Variants in KAT6A observed in about 807,000 individuals in gnomAD.
KAT6A encodes lysine acetyltransferase 6A.
KAT6A carries 9 observed loss-of-function variants against 198.4 expected under a neutral mutation model. That is an observed-to-expected ratio of 0.05 (90% CI 0.03 to 0.08). KAT6A has a LOEUF of 0.08. KAT6A is among the 10% of genes least tolerant of loss of function. The probability of loss-of-function intolerance (pLI) is 1.00; values close to 1 mark genes in which losing one functional copy is unlikely to be tolerated. For missense variants in KAT6A, 2,077 were observed against 2,509.9 expected (o/e 0.83, Z 3.69); for synonymous variants, 890 against 883.0 (o/e 1.01, Z -0.14).
chr8:41,931,464 T>C lies in KAT6A; in HGVS notation c.*741A>G, dbSNP rs1209933912. The C allele has an allele frequency of 1.9e-5, 4 of 206,544 alleles. No homozygotes were observed. Among genetic ancestry groups the C allele is most frequent in the African/African-American group, 9.1e-5 (4 of 43,762 alleles). 12.8% of individuals were successfully genotyped at this position (206,544 alleles called of 1,614,324 possible). On this transcript the variant is annotated 3_prime_UTR_variant, in exon 17 of 17. Transcript: ENST00000265713. ...CTCTGAGTGCTGAGTGGGAATATTT[T>C]AAAAAAGAAGAAAAAAATTATATTA...
rs80304666 is a variant in KAT6A, at chr8:41,975,981, T to C, written c.1363+1027A>G. 9.9e-3 allele frequency among the ~76,000 whole-genome samples: 1,509 copies of C among 152,354 alleles called. 6 individuals are homozygous for C. Among genetic ancestry groups the C allele is most frequent in the Non-Finnish European group, 0.015 (1,023 of 68,028 alleles). On this transcript the variant is annotated intron_variant, in intron 7 of 16. Coordinates refer to ENST00000265713, the MANE Select transcript of KAT6A (RefSeq NM_006766.5). ...TAAACATGCTCAGATCAGGAACTTATCTACAGGTTGATAAAGACATGAAGA... is the reference window on the plus strand; with the variant it reads ...TAAACATGCTCAGATCAGGAACTTACCTACAGGTTGATAAAGACATGAAGA...
intron 2 of KAT6A, among the ~76,000 whole-genome samples, chr8:42,045,905 A>C (rs1361793448): frequency 6.6e-6 from 1 of 151,980 alleles, no homozygotes; most frequent in East Asian, 1.9e-4. Flanking sequence ...GAATCGCTTG[A>C]ACCCGGGAGG....
Position 41,930,936 on chromosome 8 carries a change from G to A in KAT6A, c.*1269C>T. 4.8e-6 allele frequency: 1 copy of A among 209,682 alleles called. No individual in the cohort carries two copies. The allele number at this position is 209,682 out of a possible 1,614,324, so 13.0% of individuals were successfully genotyped here. Reference sequence around the variant, plus strand: ...TTAGCCACTCACAGGAGAGGTGCTTGTGCACTCTGATTCACAGGGGATGAA... The same window carrying A: ...TTAGCCACTCACAGGAGAGGTGCTTATGCACTCTGATTCACAGGGGATGAA... On this transcript the variant is annotated 3_prime_UTR_variant, in exon 17 of 17. Transcript: ENST00000265713.
chr8:41,994,087 C>T (rs1286555203), intron 2 of KAT6A, among the ~76,000 whole-genome samples: 7 of 152,152 alleles, frequency 4.6e-5, no homozygotes, highest in Non-Finnish European at 1.0e-4. Context: ...GAAAATATGC[C>T]ATATATTTCT....
rs1391034174 is a variant in KAT6A at position 41,950,161 on chromosome 8, GA to G, written c.1599-799del. On this transcript the variant is annotated intron_variant, in intron 9 of 16. Coordinates refer to ENST00000265713, the MANE Select transcript of KAT6A (RefSeq NM_006766.5). Reference sequence around the variant, plus strand: ...TCAAGAAGCAGGAGCTAAGAGCATGGAAAGCAGTGTGTTGTTGGCTACTTTG... The same window carrying G: ...TCAAGAAGCAGGAGCTAAGAGCATGGAAGCAGTGTGTTGTTGGCTACTTTG... 5.9e-5 allele frequency among the ~76,000 whole-genome samples: 9 copies of G among 152,322 alleles called. No individual in the cohort carries two copies. In the East Asian group the frequency reaches 1.7e-3, roughly 29 times the overall value.
intron 2 of KAT6A, among the ~76,000 whole-genome samples, chr8:42,025,336 C>A (rs1168595184): frequency 6.6e-6 from 1 of 150,794 alleles, no homozygotes; most frequent in Admixed American, 6.6e-5. Context: ...CTCAGCCTTC[C>A]GAGTAGCTGG....
chr8:41,958,679 G>A (rs1439798503), intron 8 of KAT6A, among the ~76,000 whole-genome samples: 1 of 152,180 alleles, frequency 6.6e-6, no homozygotes, highest in African/African-American at 2.4e-5. Context: ...TATAGTACAT[G>A]CATGTGTATA....
At chr8:41,949,450 T>G in intron 9 of KAT6A, 87 bp from the exon 10 acceptor site, 1 of 1,002,038 alleles carries the variant, frequency 1.0e-6, no homozygotes, top group Non-Finnish European at 1.3e-6. Flanking sequence ...TTGCCTCTCA[T>G]TACTACCCAG....
At chr8:42,028,329 T>C (rs1335182721) in intron 2 of KAT6A, among the ~76,000 whole-genome samples, 2 of 152,316 alleles carry the variant, frequency 1.3e-5, no homozygotes, top group East Asian at 3.9e-4. Context: ...GAGCGTGAAG[T>C]GTTGAAGTCC....
intron 2 of KAT6A, among the ~76,000 whole-genome samples, chr8:42,042,979 T>C (rs1827739791): frequency 6.6e-6 from 1 of 152,200 alleles, no homozygotes; most frequent in Non-Finnish European, 1.5e-5. Flanking sequence ...AAATGGACCA[T>C]CACAGTCTCA....
At chr8:41,971,562 G>A (rs570418579) in intron 8 of KAT6A, among the ~76,000 whole-genome samples, 10 of 152,130 alleles carry the variant, frequency 6.6e-5, no homozygotes, top group African/African-American at 2.4e-4. Flanking sequence ...GCCAAAGAGG[G>A]AGGCAGGCAC....
rs535042008 is a variant in KAT6A, at chr8:41,961,529, C to T, written c.1483-6118G>A. On this transcript the variant is annotated intron_variant, in intron 8 of 16. Coordinates refer to ENST00000265713, the MANE Select transcript of KAT6A (RefSeq NM_006766.5). ...TAACACTTTGGGAGGCCAAGGTGGGCGGGTCACAAGGTCAAGAGATCGAGA... is the reference window on the plus strand; with the variant it reads ...TAACACTTTGGGAGGCCAAGGTGGGTGGGTCACAAGGTCAAGAGATCGAGA... 2.6e-5 allele frequency among the ~76,000 whole-genome samples: 4 copies of T among 152,102 alleles called. No individual in the cohort carries two copies. The South Asian group carries it at 6.2e-4, about 24-fold the overall frequency.
intron 12 of KAT6A, among the ~76,000 whole-genome samples, chr8:41,944,714 T>C (rs1347814806): frequency 6.6e-6 from 1 of 152,248 alleles, no homozygotes; most frequent in Non-Finnish European, 1.5e-5. Context: ...GGACTGTTTG[T>C]ATACCATACA....
intron 2 of KAT6A, among the ~76,000 whole-genome samples, chr8:42,019,978 A>G: frequency 6.6e-6 from 1 of 152,248 alleles, no homozygotes; most frequent in East Asian, 1.9e-4. Flanking sequence ...TTAGGTATAT[A>G]AACAACTAAT....
rs781608540 is a variant in KAT6A at position 41,934,016 on chromosome 8, T to C, written c.4204A>G (p.Thr1402Ala). Residue 1402 changes from threonine (T) to alanine (A), a missense_variant, in exon 17 of 17, where the codon ACT (threonine) becomes GCT (alanine). By Grantham distance (58) the Thr-to-Ala change is moderately conservative. Transcript: ENST00000265713. ...TTTAATTCGATTAACTCTTCCTTAG[T>C]GTGGGAGTCTTCTTCGTGGTCGTCC... ...SEDDHEEDSHTKEELIELKEE... is the reference protein window; with the variant it reads ...SEDDHEEDSHAKEELIELKEE... 1.6e-5 allele frequency: 26 copies of C among 1,614,104 alleles called. No homozygotes were observed. Among genetic ancestry groups the C allele is most frequent in the Non-Finnish European group, 2.0e-5 (24 of 1,180,020 alleles).
chr8:41,940,987 C>G lies in KAT6A; in HGVS notation c.2894G>C (p.Gly965Ala). The part of the protein sequence containing the change: ...PEALKCRLTE[G>A]SERLPRRYSE... ...GTAGCGACGGGGCAGCCTCTCACTT[C>G]CTTCTGTTAATCTGCACTTCAGAGC... Residue 965 changes from glycine to alanine, a missense_variant, in exon 15 of 17, where the codon GGA (glycine) becomes GCA (alanine). Transcript: ENST00000265713. 1 of 1,614,206 alleles carries G rather than the reference C, an allele frequency of 6.2e-7. No homozygotes were observed.
In KAT6A at chr8:41,941,094, C is replaced by T. The variant is rs1822101232; in HGVS notation, c.2787G>A (p.Gln929=). ...TCTTGGGAAGGTCAGGTTTCCCGTCCTGGCTTGGCTGCTCCTCAGAAGCCA... is the reference window on the plus strand; with the variant it reads ...TCTTGGGAAGGTCAGGTTTCCCGTCTTGGCTTGGCTGCTCCTCAGAAGCCA... ...QLVASEEQPS[Q]DGKPDLPKRR... is the part of the protein sequence containing the mutation. The change falls in exon 15 of 17, where the codon CAG becomes CAA. Residue 929 remains glutamine, a synonymous_variant. Coordinates refer to ENST00000265713, the MANE Select transcript of KAT6A (RefSeq NM_006766.5). 6.2e-7 allele frequency: 1 copy of T among 1,614,216 alleles called. No individual in the cohort carries two copies. Among genetic ancestry groups the T allele is most frequent in the Non-Finnish European group, 8.5e-7 (1 of 1,180,050 alleles).
rs71239084 is a variant in KAT6A, at chr8:41,946,491, TATACACACAC to T, written c.1996+90_1996+99del. On this transcript the variant is annotated intron_variant, in intron 12 of 16. Coordinates refer to ENST00000265713, the MANE Select transcript of KAT6A (RefSeq NM_006766.5). ...ACCTACAAATCTTTAAATATATATA[TATACACACAC>T]ACACACACACACACACACACACACA... The T allele has an allele frequency of 0.14, 64,360 of 462,534 alleles. 3,737 individuals carry two copies. Among genetic ancestry groups the T allele is most frequent in the Non-Finnish European group, 0.17 (46,666 of 273,574 alleles). 28.7% of individuals were successfully genotyped at this position (462,534 alleles called of 1,614,324 possible).
At chr8:42,039,902 A>AT (rs56756690) in intron 2 of KAT6A, among the ~76,000 whole-genome samples, 61,710 of 144,220 alleles carry the variant, frequency 0.43, 14,861 homozygotes, top group African/African-American at 0.67. Context: ...CCTGGCTAAT[A>AT]TTTTTTTTTT....
Sources: allele counts gnomAD v4.1 joint callset (sites outside exome capture counted in the v4.1 genomes callset), GRCh38; gene constraint gnomAD v4.1.1; transcripts MANE v1.5; gene names NCBI Gene and HGNC (gene_info 2026-07-23, HGNC 2026-07-21).